Variants in PTPRD observed in about 807,000 individuals in gnomAD.
The protein encoded by PTPRD is protein tyrosine phosphatase receptor type D.
Under a neutral mutation model 214.5 loss-of-function variants are expected in PTPRD, and 34 were observed. The ratio of observed to expected loss-of-function variants is 0.16; its 90% CI spans 0.12 to 0.21. The LOEUF (loss-of-function observed/expected upper bound fraction) is 0.21, where lower values mean the gene tolerates loss of function less well. PTPRD is among the 10% of genes least tolerant of loss of function. PTPRD has a pLI of 1.00. For missense variants in PTPRD, 2,545 were observed against 2,398.7 expected, an observed-to-expected ratio of 1.06 and a Z score of -1.27; for synonymous variants, 1,128 against 845.7, an observed-to-expected ratio of 1.33 and a Z score of -5.79.
intron 44 of PTPRD, among the ~76,000 whole-genome samples, chr9:8,327,969 C>G (rs1794412960): frequency 6.6e-6 from 1 of 151,860 alleles, no homozygotes; most frequent in Non-Finnish European, 1.5e-5. Flanking sequence ...TCCTCTTTAT[C>G]CAATTGGCCA....
chr9:9,443,690 A>G (rs548810011), intron 8 of PTPRD, among the ~76,000 whole-genome samples: 1 of 152,292 alleles, frequency 6.6e-6, no homozygotes, highest in East Asian at 1.9e-4. Flanking sequence ...TCACCAAGGT[A>G]CCAGACACAT....
intron 7 of PTPRD, among the ~76,000 whole-genome samples, chr9:9,601,568 A>T (rs532672648): frequency 2.2e-4 from 33 of 152,110 alleles, no homozygotes; most frequent in Non-Finnish European, 3.7e-4. Flanking sequence ...AGATATTTAG[A>T]TCAGCAATTC....
intron 34 of PTPRD, among the ~76,000 whole-genome samples, chr9:8,447,781 C>T (rs1364827659): frequency 6.6e-6 from 1 of 152,048 alleles, no homozygotes; most frequent in Admixed American, 6.6e-5. Context: ...CGGTGGAAGA[C>T]CAAGGTTGGT....
chr9:9,158,055 T>A (rs2099882860), intron 10 of PTPRD, among the ~76,000 whole-genome samples: 2 of 152,202 alleles, frequency 1.3e-5, no homozygotes, highest in Non-Finnish European at 2.9e-5. Context: ...ATCTCGTTCC[T>A]TTTCATGGCT....
chr9:8,356,080 G>A (rs1040727658), intron 39 of PTPRD, among the ~76,000 whole-genome samples: 5 of 152,078 alleles, frequency 3.3e-5, no homozygotes, highest in African/African-American at 1.2e-4. Context: ...ACCGCAAAGG[G>A]CTGCTTTCAA....
intron 3 of PTPRD, among the ~76,000 whole-genome samples, chr9:10,156,024 TTCTATTATGTTTTTCCAAAAAACAACTCA>T (rs1325486116): frequency 8.6e-5 from 13 of 151,866 alleles, no homozygotes; most frequent in African/African-American, 2.7e-4. Context: ...TAGGAAACTC[TTCTATTATGTTTTTCCAAAAAACAACTCA>T]TGGATTTTTT....
chr9:8,679,514 G>A (rs2097508067), intron 12 of PTPRD, among the ~76,000 whole-genome samples: 1 of 152,174 alleles, frequency 6.6e-6, no homozygotes, highest in African/African-American at 2.4e-5. Flanking sequence ...TACACAGGAT[G>A]CACTGTCAGA....
intron 5 of PTPRD, among the ~76,000 whole-genome samples, chr9:9,779,616 A>G (rs1460391757): frequency 2.0e-5 from 3 of 152,244 alleles, no homozygotes; most frequent in African/African-American, 7.2e-5. Flanking sequence ...GCTCAACATC[A>G]TTAATCATCA....
At chr9:9,202,170 C>T (rs967797655) in intron 9 of PTPRD, among the ~76,000 whole-genome samples, 1 of 152,140 alleles carries the variant, frequency 6.6e-6, no homozygotes, top group South Asian at 2.1e-4. Context: ...AAAGCCTAGA[C>T]AGTTTGTCAG....
chr9:8,958,156 T>C (rs1188589986), intron 11 of PTPRD, among the ~76,000 whole-genome samples: 2 of 151,880 alleles, frequency 1.3e-5, no homozygotes, highest in East Asian at 3.9e-4. Flanking sequence ...TGCTTTTAAA[T>C]ATGAGACGGG....
chr9:10,226,783 G>A (rs963597928), intron 3 of PTPRD, among the ~76,000 whole-genome samples: 5 of 151,980 alleles, frequency 3.3e-5, no homozygotes, highest in Non-Finnish European at 7.4e-5. Flanking sequence ...ACTCATCAGG[G>A]AACAGGGATA....
At chr9:9,833,025 C>T (rs1014511669) in intron 5 of PTPRD, among the ~76,000 whole-genome samples, 4 of 151,656 alleles carry the variant, frequency 2.6e-5, no homozygotes, top group African/African-American at 7.3e-5. Context: ...TTACTGGAGC[C>T]AAAATGGTAG....
intron 2 of PTPRD, among the ~76,000 whole-genome samples, chr9:10,539,932 C>T (rs902628484): frequency 6.6e-6 from 1 of 152,142 alleles, no homozygotes; most frequent in Non-Finnish European, 1.5e-5. Flanking sequence ...TCATTGTATG[C>T]CAATTAATCA....
intron 8 of PTPRD, among the ~76,000 whole-genome samples, chr9:9,495,081 A>G (rs1276449569): frequency 6.6e-6 from 1 of 152,160 alleles, no homozygotes; most frequent in Non-Finnish European, 1.5e-5. Flanking sequence ...AGTCTTTTCA[A>G]TAAATGGTAC....
intron 8 of PTPRD, among the ~76,000 whole-genome samples, chr9:9,493,787 C>CAAAA (rs750252052): frequency 2.5e-3 from 136 of 54,354 alleles, no homozygotes; most frequent in African/African-American, 7.5e-3. Context: ...GACTCCGTCT[C>CAAAA]AAAAAAAAAA....
chr9:8,918,610 A>T (rs1020374753), intron 11 of PTPRD, among the ~76,000 whole-genome samples: 1 of 152,202 alleles, frequency 6.6e-6, no homozygotes, highest in African/African-American at 2.4e-5. Flanking sequence ...TATAGTGATT[A>T]CTTGTAGCCT....
chr9:9,340,550 T>A (rs755208261), intron 9 of PTPRD, among the ~76,000 whole-genome samples: 1 of 152,204 alleles, frequency 6.6e-6, no homozygotes, highest in Non-Finnish European at 1.5e-5. Flanking sequence ...TCTATCCCCA[T>A]GCAATATATT....
rs115953349 is a variant in PTPRD at position 10,307,647 on chromosome 9, T to G, written c.-545+33316A>C. Among the ~76,000 whole-genome samples the G allele has an allele frequency of 6.5e-3, 994 of 152,194 alleles. 7 individuals carry two copies. The highest frequency in any genetic ancestry group is 0.022 in the African/African-American group (931 of 41,560). The stretch of plus-strand genomic sequence containing the variant: ...TATCCATACTGTTTTCCATAATGGA[T>G]GTACTAATTTACATTCTCACCAACA... On this transcript the variant is annotated intron_variant, in intron 3 of 45. Coordinates refer to ENST00000381196, the MANE Select transcript of PTPRD (RefSeq NM_002839.4).
intron 4 of PTPRD, among the ~76,000 whole-genome samples, chr9:9,945,514 C>CA (rs1043373717): frequency 2.6e-5 from 4 of 152,164 alleles, no homozygotes; most frequent in African/African-American, 9.6e-5. Context: ...AGAAGCCAAC[C>CA]AAAAACAGTG....
Sources: allele counts gnomAD v4.1 joint callset (sites outside exome capture counted in the v4.1 genomes callset), GRCh38; gene constraint gnomAD v4.1.1; transcripts MANE v1.5; gene names NCBI Gene and HGNC (gene_info 2026-07-23, HGNC 2026-07-21).